Variants in RANBP2 observed in about 807,000 individuals in gnomAD.
RANBP2 encodes the protein E3 SUMO-protein ligase RanBP2.
A neutral mutation model predicts 303.6 loss-of-function variants in RANBP2; 57 were observed. The ratio of observed to expected loss-of-function variants is 0.19; its 90% CI spans 0.15 to 0.23. RANBP2 has a LOEUF of 0.23. Among genes scored for constraint, RANBP2 ranks in the 10% least tolerant of loss-of-function variants. The pLI, the probability that RANBP2 is intolerant of heterozygous loss-of-function variation, is 1.00. For missense variants in RANBP2, 3,138 were observed against 3,780.8 expected (o/e 0.83, Z 4.46); for synonymous variants, 1,167 against 1,301.5 (o/e 0.90, Z 2.23).
At chr2:109,163,200 C>T in the RANBP2 span, among the ~76,000 whole-genome samples, 2 of 152,118 alleles carry the variant, frequency 1.3e-5, no homozygotes, top group Non-Finnish European at 2.9e-5. Context: ...TAGGAACTCG[C>T]GGGCAGCTTT....
chr2:109,455,874 C>CTGGG, the RANBP2 span, among the ~76,000 whole-genome samples: 1 of 152,200 alleles, frequency 6.6e-6, no homozygotes, highest in African/African-American at 2.4e-5. Flanking sequence ...TCCCACCAAC[C>CTGGG]AGGGTGGGGA....
At chr2:109,084,700 C>T in the RANBP2 span, among the ~76,000 whole-genome samples, 1 of 152,188 alleles carries the variant, frequency 6.6e-6, no homozygotes, top group Non-Finnish European at 1.5e-5. Context: ...TTAGGAACAA[C>T]ACAAAGGGCG....
At chr2:108,822,896 G>A in the RANBP2 span, among the ~76,000 whole-genome samples, 1 of 152,064 alleles carries the variant, frequency 6.6e-6, no homozygotes, top group African/African-American at 2.4e-5. Flanking sequence ...CAACAAAATT[G>A]ACAAACCGCT....
the RANBP2 span, among the ~76,000 whole-genome samples, chr2:108,853,933 T>TAAA: frequency 1.0e-4 from 13 of 123,820 alleles, no homozygotes; most frequent in African/African-American, 3.7e-4. Context: ...TTATATATAA[T>TAAA]TTATATATAA....
chr2:109,567,143 A>G, the RANBP2 span, among the ~76,000 whole-genome samples: 6 of 152,204 alleles, frequency 3.9e-5, no homozygotes, highest in African/African-American at 1.4e-4. Flanking sequence ...CAAAGGTGAC[A>G]TCATTTATCC....
the RANBP2 span, among the ~76,000 whole-genome samples, chr2:109,647,561 C>T: frequency 5.9e-5 from 9 of 151,306 alleles, no homozygotes; most frequent in East Asian, 6.0e-4. Flanking sequence ...CTCCGCCTCC[C>T]GGGTTCAAGT....
At chr2:108,772,696 A>T (rs1215290256) in intron 22 of RANBP2, 115 bp downstream of exon 22, 1 of 1,260,928 alleles carries the variant, frequency 7.9e-7, no homozygotes, top group Non-Finnish European at 1.1e-6. Flanking sequence ...ATGGTGATTT[A>T]AAAAACTTAA....
At chr2:108,880,630 T>C in the RANBP2 span, among the ~76,000 whole-genome samples, 1 of 152,160 alleles carries the variant, frequency 6.6e-6, no homozygotes, top group African/African-American at 2.4e-5. Context: ...TTAAGAATTA[T>C]GCTAAATCTC....
the RANBP2 span, among the ~76,000 whole-genome samples, chr2:109,735,251 A>T: frequency 6.6e-6 from 1 of 152,196 alleles, no homozygotes; most frequent in Non-Finnish European, 1.5e-5. Context: ...ATAAGTGAGA[A>T]CATGTGGTAT....
chr2:108,915,774 G>A, the RANBP2 span, among the ~76,000 whole-genome samples: 1 of 152,130 alleles, frequency 6.6e-6, no homozygotes, highest in Admixed American at 6.6e-5. Flanking sequence ...GCAGGTGCCT[G>A]TAATCCCAGC....
At chr2:109,491,531 G>A in the RANBP2 span, among the ~76,000 whole-genome samples, 1 of 152,224 alleles carries the variant, frequency 6.6e-6, no homozygotes, top group South Asian at 2.1e-4. Flanking sequence ...GGTTTTTACC[G>A]ATCTGGAAAC....
chr2:109,490,536 C>T, the RANBP2 span: 1 of 1,248,850 alleles, frequency 8.0e-7, no homozygotes, highest in South Asian at 2.2e-5. Flanking sequence ...GATGCATTCC[C>T]CTCTCTCTGA....
At chr2:109,710,540 G>A in the RANBP2 span, among the ~76,000 whole-genome samples, 2 of 152,188 alleles carry the variant, frequency 1.3e-5, no homozygotes, top group African/African-American at 2.4e-5. Context: ...CACAAGGTGG[G>A]GCTGAAGGCT....
At chr2:109,387,521 C>T in the RANBP2 span, among the ~76,000 whole-genome samples, 5 of 152,204 alleles carry the variant, frequency 3.3e-5, no homozygotes, top group Non-Finnish European at 5.9e-5. Context: ...CATGCTGTTC[C>T]CACCTGCCCA....
chr2:109,089,171 G>A, the RANBP2 span, among the ~76,000 whole-genome samples: 10 of 152,166 alleles, frequency 6.6e-5, no homozygotes, highest in East Asian at 1.9e-3. Context: ...CCAGATGGGT[G>A]GGATGGGGAG....
At chr2:109,455,408 G>T in the RANBP2 span, among the ~76,000 whole-genome samples, 2 of 152,354 alleles carry the variant, frequency 1.3e-5, no homozygotes, top group East Asian at 3.9e-4. Context: ...GAAAGGAACA[G>T]AGGACCTGAC....
the RANBP2 span, among the ~76,000 whole-genome samples, chr2:109,602,235 A>C: frequency 6.6e-6 from 1 of 152,270 alleles, no homozygotes; most frequent in Non-Finnish European, 1.5e-5. Flanking sequence ...AATGAGAGAA[A>C]GTTTGTGATG....
the RANBP2 span, among the ~76,000 whole-genome samples, chr2:109,124,952 G>C: frequency 6.6e-6 from 1 of 152,164 alleles, no homozygotes; most frequent in Non-Finnish European, 1.5e-5. Context: ...GCATCAATTT[G>C]GGTTCCCAGT....
the RANBP2 span, among the ~76,000 whole-genome samples, chr2:109,184,529 C>T: frequency 2.0e-4 from 31 of 152,248 alleles, no homozygotes; most frequent in Middle Eastern, 3.4e-3. Context: ...TAGAGCTGGG[C>T]TGGGAGGCTG....
Sources: gnomAD v4.1 joint callset for allele counts (sites outside exome capture counted in the v4.1 genomes callset) on GRCh38, gnomAD v4.1.1 for gene constraint, MANE v1.5 for transcripts, NCBI Gene and HGNC (gene_info 2026-07-23, HGNC 2026-07-21) for gene names.